Variants in SLC2A9 observed in about 807,000 individuals in gnomAD.
SLC2A9 encodes the protein solute carrier family 2, facilitated glucose transporter member 9.
A neutral mutation model predicts 50.6 loss-of-function variants in SLC2A9; 39 were observed. The ratio of observed to expected loss-of-function variants is 0.77; its 90% CI spans 0.60 to 1.01. The LOEUF is 1.01. SLC2A9 is among the 50% of genes least tolerant of loss of function. The pLI, the probability that SLC2A9 is intolerant of heterozygous loss-of-function variation, is 0.00. For missense variants in SLC2A9, 686 were observed against 677.6 expected (o/e 1.01, Z -0.14); for synonymous variants, 324 against 276.9 (o/e 1.17, Z -1.69).
chr4:9,859,208 A>T (rs1346081034), intron 10 of SLC2A9, among the ~76,000 whole-genome samples: 1 of 149,266 alleles, frequency 6.7e-6, no homozygotes, highest in East Asian at 2.0e-4. Flanking sequence ...ACTTGTTTTC[A>T]TATATACATC....
At chr4:9,887,360 G>A (rs1334394455) in intron 10 of SLC2A9, among the ~76,000 whole-genome samples, 1 of 152,188 alleles carries the variant, frequency 6.6e-6, no homozygotes, top group African/African-American at 2.4e-5. Flanking sequence ...CTCATCTTCA[G>A]GTGAGTCCAC....
At chr4:9,972,726 A>T (rs1754113794) in intron 5 of SLC2A9, among the ~76,000 whole-genome samples, 1 of 152,230 alleles carries the variant, frequency 6.6e-6, no homozygotes, top group Admixed American at 6.5e-5. Context: ...TAAGGCAGAG[A>T]TCACAAATTA....
chr4:9,799,401 T>C (rs910196212), intron 3 of SLC2A9, among the ~76,000 whole-genome samples: 1 of 152,170 alleles, frequency 6.6e-6, no homozygotes, highest in Non-Finnish European at 1.5e-5. Flanking sequence ...TTTAAGATGA[T>C]GCCTTCTTGC....
At chr4:10,000,272 G>A (rs901626229) in intron 2 of SLC2A9, among the ~76,000 whole-genome samples, 1 of 152,212 alleles carries the variant, frequency 6.6e-6, no homozygotes, top group Non-Finnish European at 1.5e-5. Context: ...CATGTGCTGA[G>A]TACTGGGCCC....
At chr4:9,979,516 TCCC>T (rs2109076290) in intron 5 of SLC2A9, among the ~76,000 whole-genome samples, 1 of 152,090 alleles carries the variant, frequency 6.6e-6, no homozygotes, top group African/African-American at 2.4e-5. Flanking sequence ...CTGGGAGGCA[TCCC>T]CTGGGAGGAA....
intron 5 of SLC2A9, among the ~76,000 whole-genome samples, chr4:9,942,767 G>T (rs184620604): frequency 6.6e-6 from 1 of 152,184 alleles, no homozygotes; most frequent in Admixed American, 6.5e-5. Flanking sequence ...GGTAGTATTC[G>T]TCCTAACCTG....
At chr4:9,955,005 G>T (rs1220679233) in intron 5 of SLC2A9, among the ~76,000 whole-genome samples, 1 of 152,174 alleles carries the variant, frequency 6.6e-6, no homozygotes, top group African/African-American at 2.4e-5. Context: ...AGTTTACCTG[G>T]TATATGGCCT....
intron 3 of SLC2A9, among the ~76,000 whole-genome samples, chr4:9,784,431 C>A (rs2108861369): frequency 6.6e-6 from 1 of 152,344 alleles, no homozygotes; most frequent in Middle Eastern, 3.4e-3. Context: ...TTTAGAATGA[C>A]ATGGCTTTTG....
At chr4:9,777,447 A>G (rs749701923), downstream of SLC2A9, among the ~76,000 whole-genome samples, 3 of 151,992 alleles carry the variant, frequency 2.0e-5, no homozygotes, top group Non-Finnish European at 4.4e-5. Flanking sequence ...CCTATCTGTC[A>G]CTTACACACC....
At chr4:9,773,425 G>A (rs868634195) in intron 1 of SLC2A9, among the ~76,000 whole-genome samples, 11 of 152,156 alleles carry the variant, frequency 7.2e-5, no homozygotes, top group East Asian at 1.9e-4. Flanking sequence ...AAACCCCACC[G>A]ATTTTCTTAT....
chr4:9,920,514 A>C lies in SLC2A9; in HGVS notation c.873T>G (p.Ala291=). The C allele has an allele frequency of 6.2e-7, 1 of 1,614,194 alleles. No individual in the cohort carries two copies. The highest frequency in any genetic ancestry group is 8.5e-7 in the Non-Finnish European group (1 of 1,180,036). ...GGATGCTCCTCTGCACGCGGCTCTC[A>C]GCCAGGACCTCCTCTACCTCTTGGG... ...DVSQEVEEVL[A]ESRVQRSIRL... The change falls in exon 7 of 12, where the codon GCT becomes GCG. Residue 291 remains alanine, a synonymous_variant. Transcript: ENST00000264784.
intron 11 of SLC2A9, among the ~76,000 whole-genome samples, chr4:9,831,413 C>G (rs891675409): frequency 6.6e-6 from 1 of 152,106 alleles, no homozygotes; most frequent in Non-Finnish European, 1.5e-5. Flanking sequence ...CATGGTTGTG[C>G]TTTGGTCAAG....
intron 10 of SLC2A9, among the ~76,000 whole-genome samples, chr4:9,882,425 A>G (rs1735380081): frequency 6.6e-6 from 1 of 152,170 alleles, no homozygotes; most frequent in African/African-American, 2.4e-5. Flanking sequence ...GTGATTTGGG[A>G]AAAATTACTG....
chr4:9,786,882 G>A (rs1389951551), intron 3 of SLC2A9, among the ~76,000 whole-genome samples: 2 of 152,196 alleles, frequency 1.3e-5, no homozygotes, highest in Admixed American at 1.3e-4. Flanking sequence ...TGCGGGTAGA[G>A]GCCAAAGATG....
At chr4:9,927,188 C>A (rs1393270625) in intron 6 of SLC2A9, among the ~76,000 whole-genome samples, 1 of 72,746 alleles carries the variant, frequency 1.4e-5, no homozygotes, top group Non-Finnish European at 2.6e-5. Context: ...CGCCACCACG[C>A]CTGTATTTAG....
At chr4:9,985,898 G>C in intron 3 of SLC2A9, 105 bp from the exon 4 acceptor site, 1 of 1,514,652 alleles carries the variant, frequency 6.6e-7, no homozygotes, top group Non-Finnish European at 9.1e-7. Context: ...GGTGAGTAGA[G>C]CAAGACTCAG....
chr4:10,004,498 C>A (rs1445443702), intron 2 of SLC2A9, among the ~76,000 whole-genome samples: 1 of 152,130 alleles, frequency 6.6e-6, no homozygotes, highest in African/African-American at 2.4e-5. Context: ...GCTGGCCAGC[C>A]ACAGAGGATC....
intron 5 of SLC2A9, among the ~76,000 whole-genome samples, chr4:9,975,073 C>T (rs1049607645): frequency 2.0e-5 from 3 of 152,088 alleles, no homozygotes; most frequent in Non-Finnish European, 4.4e-5. Flanking sequence ...TGTAACTGGA[C>T]CCCTACATTT....
intron 10 of SLC2A9, among the ~76,000 whole-genome samples, chr4:9,875,421 T>G (rs1734158580): frequency 6.6e-6 from 1 of 151,410 alleles, no homozygotes; most frequent in Non-Finnish European, 1.5e-5. Context: ...AGAAATGTCT[T>G]CTTGTGCAGT....
Sources: allele counts gnomAD v4.1 joint callset (sites outside exome capture counted in the v4.1 genomes callset), GRCh38; gene constraint gnomAD v4.1.1; transcripts MANE v1.5; gene names NCBI Gene and HGNC (gene_info 2026-07-23, HGNC 2026-07-21).